The following ZNF521 variants were observed in gnomAD, a reference collection of about 807,000 sequenced individuals.
The protein encoded by ZNF521 is zinc finger protein 521, also known as LYST-interacting protein 3.
ZNF521 carries 14 observed loss-of-function variants against 105.5 expected under a neutral mutation model. That is an observed-to-expected ratio of 0.13 (90% CI 0.09 to 0.21). ZNF521 has a LOEUF of 0.21. Ranked by LOEUF, ZNF521 falls within the 10% of genes least tolerant of loss-of-function variation. The pLI, the probability that ZNF521 is intolerant of heterozygous loss-of-function variation, is 1.00. For missense variants in ZNF521, 1,233 were observed against 1,629.7 expected (o/e 0.76, Z 4.19); for synonymous variants, 635 against 606.0 (o/e 1.05, Z -0.70).
chr18:25,274,777 G>A (rs1322988807), intron 3 of ZNF521, among the ~76,000 whole-genome samples: 1 of 152,188 alleles, frequency 6.6e-6, no homozygotes, highest in African/African-American at 2.4e-5. Flanking sequence ...AAGATGTTGT[G>A]TCTAGTGGAT....
intron 2 of ZNF521, among the ~76,000 whole-genome samples, chr18:25,340,677 C>CT (rs200875245): frequency 6.6e-6 from 1 of 151,792 alleles, no homozygotes; most frequent in African/African-American, 2.4e-5. Flanking sequence ...TCACTGAGAC[C>CT]TTTTTTTTGA....
Position 25,200,319 on chromosome 18 carries a change from G to A in ZNF521, c.3574-5075C>T, listed in dbSNP as rs112229656. ...CTCCCAGTCCCAGACTCTTGACTAA[G>A]ATTCATAGGATAGAATTGGCTCTTA... On this transcript the variant is annotated intron_variant, in intron 4 of 7. Transcript: ENST00000361524. Among the ~76,000 whole-genome samples the A allele has an allele frequency of 3.8e-3, 584 of 152,146 alleles. 4 individuals carry two copies. The highest frequency in any genetic ancestry group is 0.013 in the African/African-American group (521 of 41,518).
intron 5 of ZNF521, among the ~76,000 whole-genome samples, chr18:25,190,134 G>T (rs984647223): frequency 6.6e-6 from 1 of 152,090 alleles, no homozygotes. Context: ...CCATTAAACT[G>T]CCCAGATTTC....
intron 3 of ZNF521, among the ~76,000 whole-genome samples, chr18:25,277,168 G>A (rs1324574378): frequency 6.8e-6 from 1 of 146,578 alleles, no homozygotes; most frequent in Non-Finnish European, 1.5e-5. Context: ...GAGTGACAGA[G>A]CAAGACTCCG....
At position 25,315,213 on chromosome 18, in the gene ZNF521, G is replaced by GA. The variant is rs144088715; in HGVS notation, c.220+6794dup. The stretch of plus-strand genomic sequence containing the variant: ...ATTCCCCTGCCTTCTTAGCCTCCAG[G>GA]AAAAAGACAGCAAGGCTGGGGCAAG... On this transcript the variant is annotated intron_variant, in intron 3 of 7. Coordinates refer to ENST00000361524, the MANE Select transcript of ZNF521 (RefSeq NM_015461.3). Among the ~76,000 whole-genome samples, 977 of 152,262 alleles carry GA rather than the reference G, an allele frequency of 6.4e-3. 11 individuals are homozygous for GA. Among genetic ancestry groups the GA allele is most frequent in the African/African-American group, 0.022 (933 of 41,566 alleles).
At position 25,310,418 on chromosome 18, in the gene ZNF521, AC is replaced by A. The variant is rs544327918; in HGVS notation, c.220+11589del. ...GTAGAGTCTAAGAGTCAGATTTAAAACAAAAAACAGAAAACAAAAAAAAAAA... is the reference window on the plus strand; with the variant it reads ...GTAGAGTCTAAGAGTCAGATTTAAAAAAAAAACAGAAAACAAAAAAAAAAA... On this transcript the variant is annotated intron_variant, in intron 3 of 7. Coordinates refer to ENST00000361524, the MANE Select transcript of ZNF521 (RefSeq NM_015461.3). 3.9e-3 allele frequency among the ~76,000 whole-genome samples: 594 copies of A among 150,392 alleles called. 2 individuals carry two copies. Among genetic ancestry groups the A allele is most frequent in the Non-Finnish European group, 4.5e-3 (308 of 67,932 alleles).
intron 5 of ZNF521, among the ~76,000 whole-genome samples, chr18:25,171,153 A>G (rs1260182028): frequency 1.3e-5 from 2 of 152,136 alleles, no homozygotes; most frequent in Admixed American, 1.3e-4. Flanking sequence ...ATTATAAACA[A>G]AACAACAACA....
At chr18:25,120,711 A>G (rs35986311) in intron 5 of ZNF521, among the ~76,000 whole-genome samples, 27,732 of 152,188 alleles carry the variant, frequency 0.18, 2,531 homozygotes, top group Middle Eastern at 0.23. Flanking sequence ...GATATAAAAA[A>G]AAGGAATAAA....
At chr18:25,189,026 A>G (rs1159854780) in intron 5 of ZNF521, among the ~76,000 whole-genome samples, 4 of 152,226 alleles carry the variant, frequency 2.6e-5, no homozygotes, top group Non-Finnish European at 5.9e-5. Context: ...GACGCAAGCT[A>G]AAACACATGA....
intron 3 of ZNF521, among the ~76,000 whole-genome samples, chr18:25,256,764 C>T (rs141696763): frequency 3.0e-4 from 45 of 151,408 alleles, no homozygotes; most frequent in African/African-American, 1.1e-3. Context: ...GGAAGGAGAA[C>T]AGTGTTGGGT....
chr18:25,104,440 A>C (rs2144270419), intron 5 of ZNF521, among the ~76,000 whole-genome samples: 1 of 152,330 alleles, frequency 6.6e-6, no homozygotes, highest in Middle Eastern at 3.4e-3. Context: ...GTCTGATGCC[A>C]AGGACTGTAA....
intron 4 of ZNF521, among the ~76,000 whole-genome samples, chr18:25,210,565 T>G (rs934108140): frequency 3.3e-5 from 5 of 152,228 alleles, no homozygotes; most frequent in Non-Finnish European, 7.3e-5. Flanking sequence ...TATCACATAC[T>G]TACGAGGTGT....
intron 5 of ZNF521, among the ~76,000 whole-genome samples, chr18:25,109,555 T>G (rs936920064): frequency 6.6e-6 from 1 of 152,252 alleles, no homozygotes; most frequent in Admixed American, 6.5e-5. Context: ...CGTACTAATT[T>G]ACATTCTCAC....
At chr18:25,076,404 T>C (rs866487542) in intron 7 of ZNF521, among the ~76,000 whole-genome samples, 14 of 152,200 alleles carry the variant, frequency 9.2e-5, no homozygotes, top group Admixed American at 5.9e-4. Flanking sequence ...ATGTGAAACT[T>C]AAAGTTGTCA....
chr18:25,333,573 T>C (rs1012148339), intron 2 of ZNF521, among the ~76,000 whole-genome samples: 1 of 151,988 alleles, frequency 6.6e-6, no homozygotes, highest in African/African-American at 2.4e-5. Flanking sequence ...GATGTCAGAA[T>C]TGGAGTAATT....
chr18:25,314,845 C>A (rs961669446), intron 3 of ZNF521, among the ~76,000 whole-genome samples: 2 of 152,198 alleles, frequency 1.3e-5, no homozygotes, highest in Non-Finnish European at 1.5e-5. Flanking sequence ...TGACTCAGAA[C>A]AACAAGCATA....
chr18:25,149,206 T>C (rs940912068), intron 5 of ZNF521, among the ~76,000 whole-genome samples: 1 of 152,174 alleles, frequency 6.6e-6, no homozygotes, highest in African/African-American at 2.4e-5. Flanking sequence ...AGACCCTCCA[T>C]GCGGTATGAA....
chr18:25,225,816 T>C lies in ZNF521; in HGVS notation c.2102A>G (p.Lys701Arg). ...AAGGTCATCCACTGATGTGAATTGC[T>C]TGTCACAACTCTCACAGATGTAATA... Reference protein sequence around the residue: ...STYYICESCDKQFTSVDDLQK... With the variant: ...STYYICESCDRQFTSVDDLQK... The change falls in exon 4 of 8, where the codon AAG becomes AGG. Residue 701 changes from lysine to arginine, a missense_variant. Physicochemically the swap from Lys to Arg is conservative, Grantham distance 26. Around this residue, in one of 6 missense-constraint regions of ZNF521, gnomAD observed 614 missense variants for 751.5 expected, o/e 0.82. Coordinates refer to ENST00000361524, the MANE Select transcript of ZNF521 (RefSeq NM_015461.3). The surrounding 1 kb of genome is among the most constrained non-coding windows in gnomAD (Gnocchi z 5.6). The C allele has an allele frequency of 6.2e-7, 1 of 1,614,230 alleles. No homozygotes were observed. Among genetic ancestry groups the C allele is most frequent in the Non-Finnish European group, 8.5e-7 (1 of 1,180,038 alleles).
At chr18:25,219,369 C>A (rs1452780832) in intron 4 of ZNF521, among the ~76,000 whole-genome samples, 1 of 152,060 alleles carries the variant, frequency 6.6e-6, no homozygotes, top group Non-Finnish European at 1.5e-5. Flanking sequence ...GATGGACCTA[C>A]AGGTGAAATA....
Sources: allele counts gnomAD v4.1 joint callset (sites outside exome capture counted in the v4.1 genomes callset), GRCh38; gene constraint gnomAD v4.1.1; regional missense constraint gnomAD v4.1.1; non-coding constraint Gnocchi (gnomAD v3.1); transcripts MANE v1.5; gene names NCBI Gene and HGNC (gene_info 2026-07-23, HGNC 2026-07-21).